The following TOM1L2 variants were observed in gnomAD, a reference collection of about 807,000 sequenced individuals.
TOM1L2 encodes the protein target of myb1 like 2 membrane trafficking protein.
In TOM1L2, 31 loss-of-function variants were observed where a neutral mutation model predicts 67.9. The observed-to-expected ratio is 0.46, with a 90% CI of 0.34 to 0.62. The LOEUF is 0.62. Ranked by LOEUF, TOM1L2 falls within the 20% of genes least tolerant of loss-of-function variation. The pLI is 0.01. For missense variants in TOM1L2, 606 were observed against 663.5 expected (o/e 0.91, Z 0.95); for synonymous variants, 256 against 254.0 (o/e 1.01, Z -0.07).
intron 1 of TOM1L2, among the ~76,000 whole-genome samples, chr17:17,964,535 T>C (rs1173212524): frequency 6.6e-6 from 1 of 152,248 alleles, no homozygotes; most frequent in African/African-American, 2.4e-5. Flanking sequence ...TGGAGATTTT[T>C]TTCTCCTTTG....
chr17:17,926,972 T>TCA (rs1323203096), intron 1 of TOM1L2, among the ~76,000 whole-genome samples: 1 of 152,224 alleles, frequency 6.6e-6, no homozygotes, highest in East Asian at 1.9e-4. Flanking sequence ...AACAGACTTA[T>TCA]CACACACAGG....
chr17:17,865,708 G>A (rs1438221846), intron 10 of TOM1L2, among the ~76,000 whole-genome samples: 1 of 149,790 alleles, frequency 6.7e-6, no homozygotes, highest in Non-Finnish European at 1.5e-5. Context: ...CAATCATAGG[G>A]AATGTTCCAT....
At chr17:17,967,449 C>T (rs2041912449) in intron 1 of TOM1L2, among the ~76,000 whole-genome samples, 1 of 152,248 alleles carries the variant, frequency 6.6e-6, no homozygotes, top group Non-Finnish European at 1.5e-5. Flanking sequence ...GGGAACTCCC[C>T]ATGTATGTCA....
At chr17:17,867,038 C>A (rs2036887685) in intron 8 of TOM1L2, 114 bp from the exon 9 acceptor site, 1 of 972,412 alleles carries the variant, frequency 1.0e-6, no homozygotes, top group Non-Finnish European at 1.7e-6. Flanking sequence ...CCAGTCCCAC[C>A]TGGGGGCTAG....
chr17:17,967,951 C>T (rs550031482), intron 1 of TOM1L2, among the ~76,000 whole-genome samples: 1 of 152,272 alleles, frequency 6.6e-6, no homozygotes, highest in South Asian at 2.1e-4. Context: ...AGGAACTGCC[C>T]TCCAGAATAA....
chr17:17,952,376 C>CTTTTTTTTTTTTTTTTTTTTTTTTTTT (rs60388742), intron 1 of TOM1L2, among the ~76,000 whole-genome samples: 1 of 79,920 alleles, frequency 1.3e-5, no homozygotes, highest in Non-Finnish European at 2.7e-5. Context: ...TCTTTATTTT[C>CTTTTTTTTTTTTTTTTTTTTTTTTTTT]TTTTTTTTTT....
chr17:17,882,664 T>G (rs773262232), intron 6 of TOM1L2, 41 bp downstream of exon 6: 4 of 1,603,656 alleles, frequency 2.5e-6, no homozygotes, highest in South Asian at 1.1e-5. Flanking sequence ...TGAAAAAGGA[T>G]AGTCAGCTGG....
At chr17:17,952,207 G>A (rs1213797407) in intron 1 of TOM1L2, among the ~76,000 whole-genome samples, 1 of 151,946 alleles carries the variant, frequency 6.6e-6, no homozygotes, top group African/African-American at 2.4e-5. Context: ...CAATGACATG[G>A]CAAAACAAAA....
chr17:17,948,239 A>T (rs2041038265), intron 1 of TOM1L2, among the ~76,000 whole-genome samples: 1 of 152,226 alleles, frequency 6.6e-6, no homozygotes. Context: ...TAATCTTGAT[A>T]CCAAGATAAA....
intron 1 of TOM1L2, among the ~76,000 whole-genome samples, chr17:17,956,209 T>C (rs940807780): frequency 2.0e-5 from 3 of 152,228 alleles, no homozygotes; most frequent in African/African-American, 7.2e-5. Flanking sequence ...TACAGAGACC[T>C]GATTGGCCTA....
At chr17:17,916,781 G>C (rs1275363583) in intron 1 of TOM1L2, among the ~76,000 whole-genome samples, 1 of 152,166 alleles carries the variant, frequency 6.6e-6, no homozygotes, top group Non-Finnish European at 1.5e-5. Context: ...CCGATACTTT[G>C]GGAGGCCGAG....
At chr17:17,853,584 C>G (rs1318384059) in intron 12 of TOM1L2, among the ~76,000 whole-genome samples, 1 of 152,168 alleles carries the variant, frequency 6.6e-6, no homozygotes, top group Non-Finnish European at 1.5e-5. Context: ...TCATGGGAAC[C>G]CTTTTCTTCC....
At chr17:17,907,676 A>G (rs2039160157) in intron 1 of TOM1L2, 145 bp from the exon 2 acceptor site, 12 of 652,974 alleles carry the variant, frequency 1.8e-5, no homozygotes. Flanking sequence ...TGCTATTATC[A>G]CAAGAGAACA....
chr17:17,956,159 G>C (rs1049250802), intron 1 of TOM1L2, among the ~76,000 whole-genome samples: 1 of 152,212 alleles, frequency 6.6e-6, no homozygotes, highest in African/African-American at 2.4e-5. Flanking sequence ...CCCACATCCT[G>C]CTGATTGGTC....
intron 1 of TOM1L2, among the ~76,000 whole-genome samples, chr17:17,926,808 GGAT>G (rs2040106364): frequency 6.6e-6 from 1 of 151,886 alleles, no homozygotes; most frequent in South Asian, 2.1e-4. Context: ...CAGTGAGCAA[GGAT>G]CACACCACTG....
At chr17:17,851,036 A>G (rs1461460471) in intron 12 of TOM1L2, 84 bp from the exon 13 acceptor site, 37 of 1,502,284 alleles carry the variant, frequency 2.5e-5, no homozygotes, top group Non-Finnish European at 3.3e-5. Context: ...GGAAATCATC[A>G]ACAGCAACCC....
At chr17:17,871,184 T>C (rs1233653995) in intron 7 of TOM1L2, among the ~76,000 whole-genome samples, 2 of 149,622 alleles carry the variant, frequency 1.3e-5, no homozygotes, top group East Asian at 2.0e-4. Context: ...TCCTGGCTAA[T>C]ACGGTGAAAC....
intron 1 of TOM1L2, among the ~76,000 whole-genome samples, chr17:17,916,040 G>A (rs1429148265): frequency 6.7e-6 from 1 of 150,230 alleles, no homozygotes; most frequent in Non-Finnish European, 1.5e-5. Flanking sequence ...AGAAATCTTT[G>A]CTAAATCCAA....
chr17:17,961,611 C>T (rs1272792899), intron 1 of TOM1L2, among the ~76,000 whole-genome samples: 1 of 151,768 alleles, frequency 6.6e-6, no homozygotes, highest in Non-Finnish European at 1.5e-5. Flanking sequence ...CGGTGGCTTA[C>T]ACCTGTAATC....
Sources: allele counts gnomAD v4.1 joint callset (sites outside exome capture counted in the v4.1 genomes callset), GRCh38; gene constraint gnomAD v4.1.1; transcripts MANE v1.5; gene names NCBI Gene and HGNC (gene_info 2026-07-23, HGNC 2026-07-21).